COL15A1: variants seen among roughly 807,000 people sequenced by gnomAD.
COL15A1 encodes the protein collagen alpha-1(XV) chain.
COL15A1 carries 111 observed loss-of-function variants against 165.9 expected under a neutral mutation model. The ratio of observed to expected loss-of-function variants is 0.67; its 90% CI spans 0.57 to 0.78. The LOEUF is 0.78. Among genes scored for constraint, COL15A1 ranks in the 30% least tolerant of loss-of-function variants. COL15A1 has a pLI of 0.00. For missense variants in COL15A1, 1,745 were observed against 1,789.7 expected (o/e 0.98, Z 0.45); for synonymous variants, 659 against 674.8 (o/e 0.98, Z 0.36).
chr9:98,948,133 CTGGGTACAGAAAGGATT>C (rs1837613696), intron 2 of COL15A1, among the ~76,000 whole-genome samples: 1 of 152,134 alleles, frequency 6.6e-6, no homozygotes. Context: ...CTCATGCTGG[CTGGGTACAGAAAGGATT>C]TGGGCACAGA....
intron 22 of COL15A1, 64 bp from the exon 23 acceptor site, chr9:99,040,457 G>A (rs1168554778): frequency 6.2e-7 from 1 of 1,613,488 alleles, no homozygotes; most frequent in Admixed American, 1.7e-5. Flanking sequence ...GGGAGGGAGG[G>A]GGTCCTGCTG....
intron 21 of COL15A1, 106 bp from the exon 22 acceptor site, chr9:99,038,562 G>T (rs960358335): frequency 6.9e-6 from 5 of 728,704 alleles, no homozygotes; most frequent in Admixed American, 1.9e-5. Context: ...CTCAGTGTCT[G>T]CGGTGTTCCG....
intron 39 of COL15A1, among the ~76,000 whole-genome samples, chr9:99,064,431 A>C (rs924229254): frequency 1.3e-5 from 2 of 152,196 alleles, no homozygotes; most frequent in Non-Finnish European, 2.9e-5. Flanking sequence ...AGGTGCCTGG[A>C]GGAAACCTGA....
rs754255444 is a variant in COL15A1 at position 99,036,385 on chromosome 9, G to A, written c.2398G>A (p.Val800Ile). 23 of 1,614,070 alleles carry A rather than the reference G, an allele frequency of 1.4e-5. No homozygotes were observed. The East Asian group carries it at 4.5e-4, about 31-fold the overall frequency. ...GPRGPPGHIK[V>I]LSNSLINITH... ...GAGAGGGCCACCTGGGCACATCAAG[G>A]TCTTGTCTAATGTGAGTATCATTCA... Residue 800 changes from valine (V) to isoleucine (I), a missense_variant, in exon 21 of 42, where the codon GTC becomes ATC. Val to Ile is a conservative substitution (Grantham distance 29). Transcript: ENST00000375001.
At chr9:99,050,038 G>C (rs899381321) in intron 30 of COL15A1, 143 bp downstream of exon 30, 1 of 1,142,980 alleles carries the variant, frequency 8.7e-7, no homozygotes, top group African/African-American at 1.6e-5. Flanking sequence ...ACCCTCAAGT[G>C]ACTAGAAGCT....
chr9:98,950,579 CCTTCCTT>C lies in COL15A1; in HGVS notation c.100+6331_100+6337del, dbSNP rs1564004698. On this transcript the variant is annotated intron_variant, in intron 2 of 41. Transcript: ENST00000375001. ...TCCTTCCTTCCTTCCTTCCTTCCTT[CCTTCCTT>C]CCTTCCTCCCTCCCTCCCTCTCTCT... Among the ~76,000 whole-genome samples, 37 of 121,116 alleles carry C rather than the reference CCTTCCTT, an allele frequency of 3.1e-4. No individual in the cohort carries two copies. The East Asian group carries it at 7.9e-3, about 26-fold the overall frequency. 79.5% of individuals were successfully genotyped at this position (121,116 alleles called of 152,430 possible). A position where few individuals can be genotyped will look rare whatever the true frequency, so the allele number is the denominator to read the frequency against.
intron 36 of COL15A1, among the ~76,000 whole-genome samples, chr9:99,060,243 TATA>T (rs1564093511): frequency 0.011 from 1,477 of 138,028 alleles, 22 homozygotes; most frequent in South Asian, 0.027. Flanking sequence ...TTTATATATA[TATA>T]TATATATATA....
At chr9:98,976,487 T>C (rs943828191) in intron 2 of COL15A1, among the ~76,000 whole-genome samples, 3 of 152,102 alleles carry the variant, frequency 2.0e-5, no homozygotes, top group African/African-American at 7.2e-5. Context: ...GATTCATGCC[T>C]CCCAGATGGG....
chr9:99,010,992 T>A (rs575089077), intron 9 of COL15A1, among the ~76,000 whole-genome samples: 1 of 151,590 alleles, frequency 6.6e-6, no homozygotes, highest in South Asian at 2.1e-4. Context: ...AACATTTTTT[T>A]AGCATCAGGC....
intron 41 of COL15A1, 113 bp from the exon 42 acceptor site, chr9:99,069,560 C>T: frequency 7.5e-7 from 1 of 1,337,100 alleles, no homozygotes. Context: ...AGTGATTTGG[C>T]ATCAGGGTTA....
At chr9:99,038,512 G>C (rs539777559) in intron 21 of COL15A1, among the ~76,000 whole-genome samples, 156 bp from the exon 22 acceptor site, 5 of 152,212 alleles carry the variant, frequency 3.3e-5, no homozygotes, top group East Asian at 1.9e-4. Flanking sequence ...TTATAAGAAG[G>C]GGGAGGGAGA....
At chr9:98,965,947 T>G (rs1357073732) in intron 2 of COL15A1, among the ~76,000 whole-genome samples, 1 of 151,962 alleles carries the variant, frequency 6.6e-6, no homozygotes, top group Admixed American at 6.6e-5. Context: ...TGTCTGGTCC[T>G]TTTTTTCCAG....
At position 98,943,977 on chromosome 9, in the gene COL15A1, C is replaced by A. The variant is rs986681585; in HGVS notation, c.-85C>A. The A allele has an allele frequency of 6.4e-6, 10 of 1,570,310 alleles. No individual in the cohort carries two copies. The South Asian group carries it at 6.8e-5, about 11-fold the overall frequency. On this transcript the variant is annotated 5_prime_UTR_variant, in exon 1 of 42. Transcript: ENST00000375001. ...CAGGAAGGGCGAGCGCGGCGGCCAGCGCTCAGCGACCCTTCGTCCTCCGCT... is the reference window on the plus strand; with the variant it reads ...CAGGAAGGGCGAGCGCGGCGGCCAGAGCTCAGCGACCCTTCGTCCTCCGCT...
chr9:98,994,663 G>A (rs762605717), intron 5 of COL15A1, among the ~76,000 whole-genome samples: 22 of 152,086 alleles, frequency 1.4e-4, no homozygotes, highest in Non-Finnish European at 1.6e-4. Flanking sequence ...CCTAGCACAC[G>A]GTAGGGCCTC....
Position 99,053,530 on chromosome 9 carries a change from TCATCCTGCTTA to T in COL15A1, c.2951-1044_2951-1034del, listed in dbSNP as rs1219061921. Among the ~76,000 whole-genome samples, 6 of 152,200 alleles carry T rather than the reference TCATCCTGCTTA, an allele frequency of 3.9e-5. 1 individual carries two copies. The highest frequency in any genetic ancestry group is 2.6e-4 in the Admixed American group (4 of 15,288). ...GGATGTGACAGCTCCTAGTGAGCAA[TCATCCTGCTTA>T]CTGTGTGCAGCTACTACTGCTCCGG... On this transcript the variant is annotated intron_variant, in intron 31 of 41. Transcript: ENST00000375001.
intron 11 of COL15A1, among the ~76,000 whole-genome samples, 197 bp downstream of exon 11, chr9:99,016,316 G>T (rs1838934511): frequency 6.6e-6 from 1 of 152,220 alleles, no homozygotes; most frequent in Non-Finnish European, 1.5e-5. Flanking sequence ...AAAAGCAAGA[G>T]ATTAAAGTCA....
intron 9 of COL15A1, among the ~76,000 whole-genome samples, chr9:99,012,858 C>T (rs529377590): frequency 7.2e-4 from 109 of 151,866 alleles, no homozygotes; most frequent in Non-Finnish European, 1.4e-3. Context: ...ACTACAGGTG[C>T]GTGCCACCAT....
chr9:99,044,687 C>A, intron 25 of COL15A1, 48 bp from the exon 26 acceptor site: 1 of 1,612,238 alleles, frequency 6.2e-7, no homozygotes, highest in Non-Finnish European at 8.5e-7. Flanking sequence ...AGCTTTGCAT[C>A]TTTGTTTCTG....
intron 12 of COL15A1, 64 bp from the exon 13 acceptor site, chr9:99,022,027 A>G: frequency 1.3e-6 from 2 of 1,599,098 alleles, no homozygotes; most frequent in Non-Finnish European, 8.6e-7. Context: ...CGATTTCTAC[A>G]GAAAGGTGGG....
Sources: gnomAD v4.1 joint callset for allele counts (sites outside exome capture counted in the v4.1 genomes callset) on GRCh38, gnomAD v4.1.1 for gene constraint, MANE v1.5 for transcripts, NCBI Gene and HGNC (gene_info 2026-07-23, HGNC 2026-07-21) for gene names.